Variants in ERC1 observed in about 807,000 individuals in gnomAD.
ERC1 encodes the protein RAB6 interacting protein 2.
ERC1 carries 56 observed loss-of-function variants against 132.0 expected under a neutral mutation model. That is an observed-to-expected ratio of 0.42 (90% CI 0.34 to 0.53). The LOEUF (loss-of-function observed/expected upper bound fraction) is 0.53, where lower values mean the gene tolerates loss of function less well. Among genes scored for constraint, ERC1 ranks in the 20% least tolerant of loss-of-function variants. The pLI, the probability that ERC1 is intolerant of heterozygous loss-of-function variation, is 0.03. For missense variants in ERC1, 1,202 were observed against 1,349.9 expected (o/e 0.89, Z 1.72); for synonymous variants, 478 against 476.1 (o/e 1.00, Z -0.05).
chr12:1,324,048 A>G (rs1417279618), intron 15 of ERC1, among the ~76,000 whole-genome samples: 1 of 152,156 alleles, frequency 6.6e-6, no homozygotes, highest in African/African-American at 2.4e-5. Context: ...TCATATCTTG[A>G]TGTTCTTGAA....
chr12:1,296,272 G>A (rs1251174283), intron 15 of ERC1, among the ~76,000 whole-genome samples: 1 of 151,854 alleles, frequency 6.6e-6, no homozygotes, highest in Non-Finnish European at 1.5e-5. Context: ...AGGCTGCAGT[G>A]AACTTTGATT....
chr12:1,438,460 C>G (rs1226610593), intron 17 of ERC1, among the ~76,000 whole-genome samples: 1 of 152,090 alleles, frequency 6.6e-6, no homozygotes, highest in East Asian at 1.9e-4. Context: ...TCAAAACTAC[C>G]ACTAACATTT....
intron 1 of ERC1, among the ~76,000 whole-genome samples, chr12:1,013,419 A>C (rs1181948353): frequency 4.6e-5 from 7 of 152,088 alleles, no homozygotes; most frequent in Non-Finnish European, 1.0e-4. Context: ...CTTGATTGTA[A>C]ACTGAGTTAC....
intron 2 of ERC1, among the ~76,000 whole-genome samples, chr12:1,059,200 A>AGT (rs1973567943): frequency 6.6e-6 from 1 of 152,166 alleles, no homozygotes; most frequent in South Asian, 2.1e-4. Flanking sequence ...CTGCAACTTT[A>AGT]GTGAATTTGT....
intron 14 of ERC1, among the ~76,000 whole-genome samples, chr12:1,289,084 TACACACACACACAC>T (rs57334239): frequency 0.036 from 3,682 of 102,894 alleles, 211 homozygotes; most frequent in African/African-American, 0.13. Flanking sequence ...ATCTGGTATG[TACACACACACACAC>T]ACACACACAC....
chr12:1,355,106 T>C lies in ERC1; in HGVS notation c.2781-16727T>C, dbSNP rs572358216. Among the ~76,000 whole-genome samples, 8 of 152,280 alleles carry C rather than the reference T, an allele frequency of 5.3e-5. 1 individual carries two copies. The South Asian group carries it at 1.7e-3, about 32-fold the overall frequency. On this transcript the variant is annotated intron_variant, in intron 15 of 18. Coordinates refer to ENST00000360905, the MANE Select transcript of ERC1 (RefSeq NM_178040.4). Reference sequence around the variant, plus strand: ...CTTTTTCAGGGGCCAGATTGTAAACTTACTGGGCTCTGTGGGCCATTTGGT... The same window carrying C: ...CTTTTTCAGGGGCCAGATTGTAAACCTACTGGGCTCTGTGGGCCATTTGGT...
At chr12:1,485,202 T>TC (rs201710773) in intron 18 of ERC1, among the ~76,000 whole-genome samples, 11 of 61,014 alleles carry the variant, frequency 1.8e-4, no homozygotes, top group African/African-American at 5.9e-4. Flanking sequence ...TTTATATTTC[T>TC]TTTTTTTTTT....
At chr12:1,002,157 C>T (rs557262261) in intron 1 of ERC1, among the ~76,000 whole-genome samples, 12 of 113,664 alleles carry the variant, frequency 1.1e-4, no homozygotes, top group Admixed American at 3.0e-4. Flanking sequence ...CCACCATGCC[C>T]GGCTTTTTTT....
At chr12:1,266,391 CTTTTTTTTTTTTTTTTTT>C (rs71293128) in intron 14 of ERC1, among the ~76,000 whole-genome samples, 2 of 43,016 alleles carry the variant, frequency 4.6e-5, no homozygotes, top group African/African-American at 2.2e-4. Context: ...CGTTTCCTGT[CTTTTTTTTTTTTTTTTTT>C]TTTTTTTTTT....
intron 15 of ERC1, among the ~76,000 whole-genome samples, chr12:1,304,693 C>A (rs1399881823): frequency 6.6e-6 from 1 of 151,128 alleles, no homozygotes; most frequent in Non-Finnish European, 1.5e-5. Context: ...GTTAGGAGAA[C>A]CTCTGTTATG....
At chr12:1,042,030 T>C (rs1460258678) in intron 2 of ERC1, among the ~76,000 whole-genome samples, 2 of 152,246 alleles carry the variant, frequency 1.3e-5, no homozygotes, top group Non-Finnish European at 2.9e-5. Context: ...ATTACAGGTG[T>C]GAGCCACTGC....
At chr12:1,241,927 C>T (rs192164004) in intron 13 of ERC1, among the ~76,000 whole-genome samples, 26 of 128,044 alleles carry the variant, frequency 2.0e-4, no homozygotes, top group African/African-American at 7.4e-4. Flanking sequence ...GGTGTGATCT[C>T]GGTTTGCTGC....
intron 14 of ERC1, among the ~76,000 whole-genome samples, chr12:1,287,916 A>C (rs1030314873): frequency 6.6e-6 from 1 of 152,220 alleles, no homozygotes; most frequent in Admixed American, 6.5e-5. Flanking sequence ...TTTCTCGTTC[A>C]CATACATGGA....
At position 1,004,737 on chromosome 12, in the gene ERC1, G is replaced by T. The variant is rs1294455177; in HGVS notation, c.-157+13415G>T. ...ACATTTCTAAGCATTTTTTTCCTTTGAAAGATTTTACTTACTTGAAAAAAA... is the reference window on the plus strand; with the variant it reads ...ACATTTCTAAGCATTTTTTTCCTTTTAAAGATTTTACTTACTTGAAAAAAA... On this transcript the variant is annotated intron_variant, in intron 1 of 18. Transcript: ENST00000360905. Among the ~76,000 whole-genome samples the T allele has an allele frequency of 6.0e-5, 9 of 150,980 alleles. No individual in the cohort carries two copies. In the South Asian group the frequency reaches 1.9e-3, roughly 32 times the overall value.
chr12:1,190,265 A>C, intron 12 of ERC1: 1 of 697,244 alleles, frequency 1.4e-6, no homozygotes, highest in Admixed American at 1.8e-5. Flanking sequence ...TTGGGAAGCT[A>C]TGGGCTGTAA....
chr12:1,165,177 T>C (rs1056709819), intron 8 of ERC1, among the ~76,000 whole-genome samples: 9 of 152,220 alleles, frequency 5.9e-5, no homozygotes, highest in African/African-American at 2.2e-4. Flanking sequence ...CAATTCACCT[T>C]GGGTGAGAAG....
At chr12:1,482,696 C>G (rs896437128) in intron 18 of ERC1, among the ~76,000 whole-genome samples, 1 of 152,148 alleles carries the variant, frequency 6.6e-6, no homozygotes, top group Non-Finnish European at 1.5e-5. Flanking sequence ...ATCCACCTGC[C>G]TCGGCCTCCC....
chr12:1,183,272 T>C lies in ERC1; in HGVS notation c.2017-9T>C, dbSNP rs1566173446. On this transcript the variant is annotated splice_polypyrimidine_tract_variant and intron_variant, in intron 10 of 18. Transcript: ENST00000360905. ...ATTATTTATTCTAGATGTGTGTTCCTTCTTTTAGGCTTCACTTTTGGATCT... is the reference window on the plus strand; with the variant it reads ...ATTATTTATTCTAGATGTGTGTTCCCTCTTTTAGGCTTCACTTTTGGATCT... 6.5e-7 allele frequency: 1 copy of C among 1,527,124 alleles called. No individual in the cohort carries two copies. The highest frequency in any genetic ancestry group is 8.8e-7 in the Non-Finnish European group (1 of 1,129,980). 94.6% of individuals were successfully genotyped at this position (1,527,124 alleles called of 1,614,324 possible). A position where few individuals can be genotyped will look rare whatever the true frequency, so the allele number is the denominator to read the frequency against.
At position 1,492,990 on chromosome 12, in the gene ERC1, G is replaced by A. The variant is rs576134346; in HGVS notation, c.*2760G>A. ...TTAATTTTCCCCAAACCCCTCCATC[G>A]GCAAGTCTAGTTGCCCTTTAGCACC... On this transcript the variant is annotated 3_prime_UTR_variant, in exon 19 of 19. Coordinates refer to ENST00000360905, the MANE Select transcript of ERC1 (RefSeq NM_178040.4). 21 of 225,784 alleles carry A rather than the reference G, an allele frequency of 9.3e-5. No individual in the cohort carries two copies. The highest frequency in any genetic ancestry group is 7.3e-4 in the South Asian group (4 of 5,458). The allele number at this position is 225,784 out of a possible 1,614,324, so 14.0% of individuals were successfully genotyped here.
Sources: gnomAD v4.1 joint callset for allele counts (sites outside exome capture counted in the v4.1 genomes callset) on GRCh38, gnomAD v4.1.1 for gene constraint, MANE v1.5 for transcripts, NCBI Gene and HGNC (gene_info 2026-07-23, HGNC 2026-07-21) for gene names.